The following CDC14B variants were observed in gnomAD, a reference collection of about 807,000 sequenced individuals.
The protein encoded by CDC14B is cell division cycle 14B.
Under a neutral mutation model 64.2 loss-of-function variants are expected in CDC14B, and 22 were observed. That is an observed-to-expected ratio of 0.34 (90% CI 0.24 to 0.49). The LOEUF is 0.49. CDC14B is among the 20% of genes least tolerant of loss of function. CDC14B has a pLI of 0.99. For missense variants in CDC14B, 498 were observed against 629.9 expected, an observed-to-expected ratio of 0.79 and a Z score of 2.24; for synonymous variants, 191 against 215.8, an observed-to-expected ratio of 0.89 and a Z score of 1.01.
At position 96,566,856 on chromosome 9, in the gene CDC14B, T is replaced by C. The variant is rs371559456; in HGVS notation, c.161-1373A>G. On this transcript the variant is annotated intron_variant, in intron 1 of 13. Coordinates refer to ENST00000375241, the MANE Select transcript of CDC14B (RefSeq NM_033331.4). ...TGGAAGGCGGGGCAGAGGCAAGGACTGCCAGCCGCCGAGAGGGGAGGCGCC... is the reference window on the plus strand; with the variant it reads ...TGGAAGGCGGGGCAGAGGCAAGGACCGCCAGCCGCCGAGAGGGGAGGCGCC... 682 of 1,585,914 alleles carry C rather than the reference T, an allele frequency of 4.3e-4. 6 individuals are homozygous for C. The African/African-American group carries it at 8.1e-3, about 19-fold the overall frequency.
chr9:96,509,272 A>G (rs12684277), intron 13 of CDC14B, among the ~76,000 whole-genome samples: 25,332 of 152,188 alleles, frequency 0.17, 2,508 homozygotes, highest in South Asian at 0.3. Context: ...CACTAGGTAG[A>G]GAAGGATCTT....
chr9:96,544,429 A>G (rs1587899060), intron 5 of CDC14B, among the ~76,000 whole-genome samples: 1 of 152,206 alleles, frequency 6.6e-6, no homozygotes, highest in Non-Finnish European at 1.5e-5. Context: ...AATCGTCTTC[A>G]ATGTTACTGA....
At chr9:96,543,034 G>T (rs1006841454) in intron 5 of CDC14B, among the ~76,000 whole-genome samples, 1 of 150,446 alleles carries the variant, frequency 6.6e-6, no homozygotes, top group Non-Finnish European at 1.5e-5. Flanking sequence ...AAAACAACAA[G>T]CCCAAAACAC....
Position 96,542,338 on chromosome 9 carries a change from C to T in CDC14B, c.498-446G>A, listed in dbSNP as rs537688925. Among the ~76,000 whole-genome samples, 6 of 152,158 alleles carry T rather than the reference C, an allele frequency of 3.9e-5. 1 individual carries two copies. The highest frequency in any genetic ancestry group is 7.2e-5 in the African/African-American group (3 of 41,480). On this transcript the variant is annotated intron_variant, in intron 5 of 13. Transcript: ENST00000375241. ...ATGTGTGTATGTGTGTCTATTTATA[C>T]GTGTGTCTGTCTGTGTGTGTGTGTC...
chr9:96,562,862 C>T, intron 3 of CDC14B, 77 bp from the exon 4 acceptor site: 1 of 957,292 alleles, frequency 1.0e-6, no homozygotes, highest in Non-Finnish European at 1.7e-6. Context: ...TGATGAAGAT[C>T]AATTCCAAAT....
rs1834650059 is a variant in CDC14B at position 96,509,745 on chromosome 9, G to A, written c.1388C>T (p.Pro463Leu). ...SSVQSCKTSE[P>L]NISGSAGITK... ...AATGCCTGCACTGCCAGAAATGTTA[G>A]GTTCAGATGTTTTACAGCTCTGAAC... is the stretch of plus-strand genomic sequence containing the variant. Residue 463 changes from proline (P) to leucine (L), a missense_variant, in exon 13 of 14, where the codon CCT becomes CTT. Transcript: ENST00000375241. The A allele has an allele frequency of 6.2e-7, 1 of 1,613,120 alleles. No homozygotes were observed. The highest frequency in any genetic ancestry group is 8.5e-7 in the Non-Finnish European group (1 of 1,179,208).
intron 1 of CDC14B, among the ~76,000 whole-genome samples, chr9:96,571,470 G>A (rs1588010337): frequency 6.6e-6 from 1 of 152,000 alleles, no homozygotes; most frequent in African/African-American, 2.4e-5. Flanking sequence ...CACCTCGCCT[G>A]GGCTATAATG....
chr9:96,516,750 A>G (rs1835724282), intron 12 of CDC14B, among the ~76,000 whole-genome samples: 1 of 152,080 alleles, frequency 6.6e-6, no homozygotes, highest in South Asian at 2.1e-4. Flanking sequence ...TGCTGGGATT[A>G]TAGGCGTGAG....
chr9:96,544,153 G>C (rs1378160058), intron 5 of CDC14B, among the ~76,000 whole-genome samples: 1 of 151,992 alleles, frequency 6.6e-6, no homozygotes, highest in African/African-American at 2.4e-5. Flanking sequence ...GGAGGCAGAG[G>C]TTGCAATGAG....
At chr9:96,602,538 G>A (rs1238536677) in intron 1 of CDC14B, among the ~76,000 whole-genome samples, 7 of 151,822 alleles carry the variant, frequency 4.6e-5, no homozygotes, top group Admixed American at 4.6e-4. Flanking sequence ...TCACACAGCA[G>A]CAGACAAGAG....
Position 96,604,968 on chromosome 9 carries a change from C to A in CDC14B, c.160+14251G>T, listed in dbSNP as rs563824195. Reference sequence around the variant, plus strand: ...TACAGGTGTGAGCCACTGTGCCCAGCTGAAGCTTGCATTTTAAACACCCAG... The same window carrying A: ...TACAGGTGTGAGCCACTGTGCCCAGATGAAGCTTGCATTTTAAACACCCAG... On this transcript the variant is annotated intron_variant, in intron 1 of 13. Transcript: ENST00000375241. Among the ~76,000 whole-genome samples the A allele has an allele frequency of 9.6e-3, 1,464 of 152,230 alleles. 22 individuals are homozygous for A. Among genetic ancestry groups the A allele is most frequent in the African/African-American group, 0.033 (1,375 of 41,514 alleles).
At chr9:96,548,611 G>C (rs1279336342) in intron 5 of CDC14B, among the ~76,000 whole-genome samples, 2 of 151,968 alleles carry the variant, frequency 1.3e-5, no homozygotes, top group Non-Finnish European at 2.9e-5. Context: ...CAGGCCAGGG[G>C]GTTGAGACCA....
At position 96,523,334 on chromosome 9, in the gene CDC14B, G is replaced by C; in HGVS notation, c.1172C>G (p.Ser391Cys). 1 of 1,614,128 alleles carries C rather than the reference G, an allele frequency of 6.2e-7. No individual in the cohort carries two copies. The highest frequency in any genetic ancestry group is 8.5e-7 in the Non-Finnish European group (1 of 1,180,008). ...QENGQHRAAF[S>C]KLLSGVDDIS... is the part of the protein sequence containing the mutation. ...GTCATCAACGCCAGAGAGAAGTTTG[G>C]AGAAGGCTGCTCTGTGTTGTCCATT... The change falls in exon 11 of 14, where the codon TCC becomes TGC. Residue 391 changes from serine (S) to cysteine (C), a missense_variant. Coordinates refer to ENST00000375241, the MANE Select transcript of CDC14B (RefSeq NM_033331.4).
intron 1 of CDC14B, among the ~76,000 whole-genome samples, chr9:96,586,790 A>G (rs187425143): frequency 2.8e-4 from 42 of 152,290 alleles, no homozygotes; most frequent in Non-Finnish European, 5.7e-4. Context: ...ATTCATGGAA[A>G]TAGGGCCTAA....
At chr9:96,581,379 G>A (rs531122889) in intron 1 of CDC14B, among the ~76,000 whole-genome samples, 5 of 152,136 alleles carry the variant, frequency 3.3e-5, no homozygotes, top group African/African-American at 1.2e-4. Context: ...TGAGGCAGGA[G>A]GATCACTTGA....
chr9:96,501,605 C>T lies in CDC14B; in HGVS notation c.*2148G>A, dbSNP rs552411004. ...CATTTGGTTATTACAAGGAATGCCT[C>T]TTCACCAAATCACAAGTTTTCTATG... On this transcript the variant is annotated 3_prime_UTR_variant, in exon 14 of 14. Coordinates refer to ENST00000375241, the MANE Select transcript of CDC14B (RefSeq NM_033331.4). 1 of 152,704 alleles carries T rather than the reference C, an allele frequency of 6.5e-6. No individual in the cohort carries two copies. The highest frequency in any genetic ancestry group is 1.5e-5 in the Non-Finnish European group (1 of 68,032). The allele number at this position is 152,704 out of a possible 1,614,324, so 9.5% of individuals were successfully genotyped here. A position where few individuals can be genotyped will look rare whatever the true frequency, so the allele number is the denominator to read the frequency against.
At chr9:96,590,244 T>C (rs1394834988) in intron 1 of CDC14B, among the ~76,000 whole-genome samples, 1 of 152,236 alleles carries the variant, frequency 6.6e-6, no homozygotes, top group Non-Finnish European at 1.5e-5. Context: ...AAGCAGTATT[T>C]GTCTTTTCGT....
intron 13 of CDC14B, 112 bp from the exon 14 acceptor site, chr9:96,503,901 A>T (rs1201451546): frequency 2.6e-6 from 2 of 784,198 alleles, no homozygotes; most frequent in Admixed American, 2.4e-5. Flanking sequence ...TAAAAAGTAT[A>T]CGCTTGCTGT....
intron 13 of CDC14B, among the ~76,000 whole-genome samples, chr9:96,506,360 T>C (rs996063304): frequency 1.3e-5 from 2 of 152,208 alleles, no homozygotes; most frequent in Non-Finnish European, 2.9e-5. Context: ...TAATATTCAG[T>C]AGGATAAAAG....
Sources: gnomAD v4.1 joint callset for allele counts (sites outside exome capture counted in the v4.1 genomes callset) on GRCh38, gnomAD v4.1.1 for gene constraint, MANE v1.5 for transcripts, NCBI Gene and HGNC (gene_info 2026-07-23, HGNC 2026-07-21) for gene names.